Variants in SEMA3D observed in about 807,000 individuals in gnomAD.
The protein encoded by SEMA3D is semaphorin-3D.
In SEMA3D, 84 loss-of-function variants were observed where a neutral mutation model predicts 100.1. That is an observed-to-expected ratio of 0.84 (90% CI 0.70 to 1.01). SEMA3D has a LOEUF of 1.01. SEMA3D is among the 50% of genes least tolerant of loss of function. The pLI is 0.00. For missense variants in SEMA3D, 875 were observed against 934.1 expected (o/e 0.94, Z 0.82); for synonymous variants, 312 against 320.7 (o/e 0.97, Z 0.29).
In SEMA3D at chr7:85,036,891, T is replaced by C. The variant is rs1462213575; in HGVS notation, c.1189A>G (p.Thr397Ala). 28 of 1,612,318 alleles carry C rather than the reference T, an allele frequency of 1.7e-5. No homozygotes were observed. Among genetic ancestry groups the C allele is most frequent in the Non-Finnish European group, 2.3e-5 (27 of 1,178,646 alleles). ...DGRIPYPRPG[T>A]CPSKTYDPLI... ...TGATTATTAAGTTGGATACATACTG[T>C]ACCAGGCCGTGGATAAGGAATTCTC... The change falls in exon 12 of 19, where the codon ACA (threonine) becomes GCA (alanine). Residue 397 changes from threonine (T) to alanine (A), a missense_variant and splice_region_variant. Coordinates refer to ENST00000284136, the MANE Select transcript of SEMA3D (RefSeq NM_001384900.1).
intron 17 of SEMA3D, among the ~76,000 whole-genome samples, chr7:85,008,095 T>C (rs1562780612): frequency 6.6e-6 from 1 of 151,820 alleles, no homozygotes; most frequent in East Asian, 1.9e-4. Flanking sequence ...TTACAGTTAA[T>C]AAATTCCTAA....
chr7:85,142,961 GC>G lies in SEMA3D; in HGVS notation c.-41+10646del, dbSNP rs1790099810. The G allele has an allele frequency of 3.0e-6, 3 of 985,016 alleles. No individual in the cohort carries two copies. In the South Asian group the frequency reaches 1.4e-4, roughly 46 times the overall value. 61.0% of individuals were successfully genotyped at this position (985,016 alleles called of 1,614,324 possible). ...TGCCATCTTAGTTAGGAAAAGTAAT[GC>G]CAAGAGCAATTCTACCTTAGACAAC... On this transcript the variant is annotated intron_variant, in intron 2 of 18. Coordinates refer to ENST00000284136, the MANE Select transcript of SEMA3D (RefSeq NM_001384900.1).
chr7:85,040,171 G>T (rs1257588531), intron 11 of SEMA3D, among the ~76,000 whole-genome samples: 3 of 151,280 alleles, frequency 2.0e-5, no homozygotes, highest in Non-Finnish European at 2.9e-5. Flanking sequence ...GTAGAGACTG[G>T]GTCTCACTAT....
intron 3 of SEMA3D, among the ~76,000 whole-genome samples, chr7:85,100,854 A>G (rs748591942): frequency 8.0e-4 from 121 of 151,976 alleles, no homozygotes; most frequent in Non-Finnish European, 7.7e-4. Flanking sequence ...TGAAGAAGAC[A>G]TGATATTTGA....
intron 8 of SEMA3D, among the ~76,000 whole-genome samples, chr7:85,063,139 A>G (rs1791523119): frequency 1.3e-5 from 2 of 152,188 alleles, no homozygotes. Flanking sequence ...AATAGATTCT[A>G]TTGTTAATAG....
intron 10 of SEMA3D, 25 bp downstream of exon 10, chr7:85,042,146 A>T: frequency 6.7e-7 from 1 of 1,488,404 alleles, no homozygotes; most frequent in Non-Finnish European, 9.4e-7. Context: ...GGCCTTTCCA[A>T]GAAAGAAGGA....
the SEMA3D span, among the ~76,000 whole-genome samples, chr7:85,228,411 T>G: frequency 6.6e-6 from 1 of 152,154 alleles, no homozygotes; most frequent in Admixed American, 6.5e-5. Context: ...CGGTATGGTA[T>G]GTTTATTAAA....
chr7:85,148,079 T>C (rs58237313), intron 2 of SEMA3D, among the ~76,000 whole-genome samples: 37,359 of 152,026 alleles, frequency 0.25, 5,030 homozygotes, highest in East Asian at 0.55. Context: ...TATTTAAAGG[T>C]ATGGAAACTT....
At chr7:85,040,827 A>G in intron 10 of SEMA3D, 85 bp from the exon 11 acceptor site, 1 of 685,090 alleles carries the variant, frequency 1.5e-6, no homozygotes, top group Non-Finnish European at 2.6e-6. Context: ...AAACTCTGAA[A>G]ATCTAAACAG....
At chr7:85,121,188 A>G (rs144792097) in intron 3 of SEMA3D, among the ~76,000 whole-genome samples, 2 of 152,326 alleles carry the variant, frequency 1.3e-5, no homozygotes, top group Admixed American at 6.5e-5. Flanking sequence ...AAGTTGACCA[A>G]CCATAATTCA....
intron 2 of SEMA3D, among the ~76,000 whole-genome samples, chr7:85,134,817 T>C (rs73379824): frequency 0.015 from 2,239 of 152,024 alleles, 60 homozygotes; most frequent in African/African-American, 0.048. Context: ...GTGTATAATA[T>C]CATAAAAACT....
At chr7:85,195,758 A>AT in the SEMA3D span, among the ~76,000 whole-genome samples, 1 of 152,080 alleles carries the variant, frequency 6.6e-6, no homozygotes, top group African/African-American at 2.4e-5. Context: ...CATATACTAT[A>AT]TTTTTTAGAA....
chr7:84,998,221 T>C lies in SEMA3D; in HGVS notation c.*1219A>G, dbSNP rs1426394210. 6.6e-6 allele frequency: 1 copy of C among 152,136 alleles called. No homozygotes were observed. Among genetic ancestry groups the C allele is most frequent in the Admixed American group, 6.5e-5 (1 of 15,268 alleles). 9.4% of individuals were successfully genotyped at this position (152,136 alleles called of 1,614,324 possible). On this transcript the variant is annotated 3_prime_UTR_variant, in exon 19 of 19. Transcript: ENST00000284136. Reference sequence around the variant, plus strand: ...TCTTAATTCTCTGTGTGTTATATATTGTTTTCTCCTATTCACTCAAATATA... The same window carrying C: ...TCTTAATTCTCTGTGTGTTATATATCGTTTTCTCCTATTCACTCAAATATA...
At chr7:85,013,907 C>T (rs1790025912) in intron 16 of SEMA3D, among the ~76,000 whole-genome samples, 1 of 151,740 alleles carries the variant, frequency 6.6e-6, no homozygotes, top group South Asian at 2.1e-4. Flanking sequence ...AACTAATGAG[C>T]ATTCTTGTTT....
chr7:85,171,761 G>A (rs1791088488), intron 1 of SEMA3D, among the ~76,000 whole-genome samples: 1 of 151,760 alleles, frequency 6.6e-6, no homozygotes, highest in East Asian at 1.9e-4. Context: ...ATTCACTAAA[G>A]TAATAAATAA....
intron 9 of SEMA3D, among the ~76,000 whole-genome samples, chr7:85,043,032 CTAAT>C (rs1172191420): frequency 1.3e-5 from 2 of 152,116 alleles, no homozygotes; most frequent in African/African-American, 2.4e-5. Flanking sequence ...TAATGTCTTA[CTAAT>C]TAAACATCCA....
intron 12 of SEMA3D, among the ~76,000 whole-genome samples, chr7:85,035,360 G>C (rs1400928017): frequency 6.6e-6 from 1 of 151,726 alleles, no homozygotes; most frequent in Non-Finnish European, 1.5e-5. Context: ...TATGGGATGT[G>C]TGTATGTGTA....
At chr7:85,181,411 C>T (rs1791408910) in intron 1 of SEMA3D, among the ~76,000 whole-genome samples, 1 of 151,704 alleles carries the variant, frequency 6.6e-6, no homozygotes, top group Admixed American at 6.6e-5. Context: ...ATTGAAAGAG[C>T]TCCCAGAGGC....
upstream of SEMA3D, among the ~76,000 whole-genome samples, chr7:85,190,535 A>G (rs1791673106): frequency 6.6e-6 from 1 of 152,020 alleles, no homozygotes; most frequent in Admixed American, 6.6e-5. Flanking sequence ...TCTTCTTATA[A>G]ACTCCAGGTA....
Sources: gnomAD v4.1 joint callset for allele counts (sites outside exome capture counted in the v4.1 genomes callset) on GRCh38, gnomAD v4.1.1 for gene constraint, MANE v1.5 for transcripts, NCBI Gene and HGNC (gene_info 2026-07-23, HGNC 2026-07-21) for gene names.